The following FBXL20 variants were observed in gnomAD, a reference collection of about 807,000 sequenced individuals.
FBXL20 encodes the protein F-box and leucine rich repeat protein 20.
Under a neutral mutation model 64.0 loss-of-function variants are expected in FBXL20, and 11 were observed. The ratio of observed to expected loss-of-function variants is 0.17; its 90% CI spans 0.11 to 0.28. The LOEUF (loss-of-function observed/expected upper bound fraction) is 0.28, where lower values mean the gene tolerates loss of function less well. FBXL20 is among the 10% of genes least tolerant of loss of function. The pLI is 1.00. For missense variants in FBXL20, 303 were observed against 526.2 expected (o/e 0.58, Z 4.15); for synonymous variants, 184 against 189.0 (o/e 0.97, Z 0.22).
chr17:39,254,972 C>T lies in FBXL20; in HGVS notation c.*6488G>A, dbSNP rs2046681867. 6.6e-6 allele frequency: 1 copy of T among 152,510 alleles called. No individual in the cohort carries two copies. Among genetic ancestry groups the T allele is most frequent in the East Asian group, 1.9e-4 (1 of 5,324 alleles). 9.4% of individuals were successfully genotyped at this position (152,510 alleles called of 1,614,324 possible). ...ACAAGAGGCAGAGATGGAAGAAGCG[C>T]ATATGGACTTTCTCTTAACATCCCA... On this transcript the variant is annotated 3_prime_UTR_variant, in exon 15 of 15. Coordinates refer to ENST00000264658, the MANE Select transcript of FBXL20 (RefSeq NM_032875.3).
chr17:39,340,240 G>C (rs2047569334), intron 2 of FBXL20, among the ~76,000 whole-genome samples: 1 of 152,168 alleles, frequency 6.6e-6, no homozygotes, highest in Non-Finnish European at 1.5e-5. Flanking sequence ...GGGATTACAG[G>C]CATGTGCCAC....
At chr17:39,387,397 A>G (rs1240650610) in intron 1 of FBXL20, among the ~76,000 whole-genome samples, 1 of 149,918 alleles carries the variant, frequency 6.7e-6, no homozygotes, top group African/African-American at 2.5e-5. Flanking sequence ...CTCCTGCCTC[A>G]GCCTCCCGAG....
In FBXL20 at chr17:39,314,797, T is replaced by TTC. The variant is rs202233549; in HGVS notation, c.105-11159_105-11158insGA. 9.0e-3 allele frequency among the ~76,000 whole-genome samples: 1,040 copies of TTC among 115,110 alleles called. 17 individuals are homozygous for TTC. Among genetic ancestry groups the TTC allele is most frequent in the African/African-American group, 0.037 (997 of 26,886 alleles). The allele number at this position is 115,110 out of a possible 152,430, so 75.5% of individuals were successfully genotyped here. A position where few individuals can be genotyped will look rare whatever the true frequency, so the allele number is the denominator to read the frequency against. On this transcript the variant is annotated intron_variant, in intron 2 of 14. Transcript: ENST00000264658. ...TTTTAATTTCTCCATATCCTTTTCT[T>TTC]TTTTTTTTTTTTTTTTGAAATGGAG... is the stretch of plus-strand genomic sequence containing the variant.
intron 1 of FBXL20, among the ~76,000 whole-genome samples, chr17:39,348,791 C>T (rs779714987): frequency 2.0e-5 from 3 of 152,242 alleles, no homozygotes; most frequent in East Asian, 1.9e-4. Context: ...CCTTGACCTC[C>T]GGACTCAATG....
chr17:39,379,945 C>A (rs1185126413), intron 1 of FBXL20, among the ~76,000 whole-genome samples: 1 of 152,048 alleles, frequency 6.6e-6, no homozygotes, highest in Non-Finnish European at 1.5e-5. Flanking sequence ...CATCATGGCA[C>A]TCCAGCCTGA....
At chr17:39,378,323 G>C (rs1256071578) in intron 1 of FBXL20, among the ~76,000 whole-genome samples, 2 of 152,158 alleles carry the variant, frequency 1.3e-5, no homozygotes, top group African/African-American at 4.8e-5. Context: ...ATTAAAAAAT[G>C]GGCACAGAGG....
chr17:39,399,382 A>C (rs1300593293), intron 1 of FBXL20, among the ~76,000 whole-genome samples: 1 of 152,218 alleles, frequency 6.6e-6, no homozygotes, highest in African/African-American at 2.4e-5. Flanking sequence ...ATAAGCAATA[A>C]ATTTATTTAC....
intron 1 of FBXL20, among the ~76,000 whole-genome samples, chr17:39,391,453 G>GT (rs1177731290): frequency 6.6e-6 from 1 of 152,008 alleles, no homozygotes; most frequent in Non-Finnish European, 1.5e-5. Flanking sequence ...AGGAAACAGA[G>GT]TTGAGACAAT....
chr17:39,267,588 A>C (rs1567856300), intron 12 of FBXL20, among the ~76,000 whole-genome samples: 1 of 152,244 alleles, frequency 6.6e-6, no homozygotes, highest in Non-Finnish European at 1.5e-5. Flanking sequence ...TATTTTCCCA[A>C]GGGTGGCAGC....
At chr17:39,402,254 C>T (rs1008727813), upstream of FBXL20, 5 of 1,134,124 alleles carry the variant, frequency 4.4e-6, no homozygotes, top group South Asian at 4.8e-5. Flanking sequence ...TAGATTGGGG[C>T]AGTGCGGCTG....
rs1406464113 is a variant in FBXL20 at position 39,259,330 on chromosome 17, A to G, written c.*2130T>C. The G allele has an allele frequency of 1.3e-5, 2 of 152,044 alleles. No homozygotes were observed. The highest frequency in any genetic ancestry group is 4.8e-5 in the African/African-American group (2 of 41,412). 9.4% of individuals were successfully genotyped at this position (152,044 alleles called of 1,614,324 possible). ...ATAAAATAAAATAAAATAAATAAAT[A>G]AAACAAGCCTTTTAATAGTCTGGAT... On this transcript the variant is annotated 3_prime_UTR_variant, in exon 15 of 15. Transcript: ENST00000264658.
At chr17:39,374,766 A>C (rs1415539392) in intron 1 of FBXL20, among the ~76,000 whole-genome samples, 2 of 152,064 alleles carry the variant, frequency 1.3e-5, no homozygotes, top group African/African-American at 4.8e-5. Context: ...ATTTAAGCGG[A>C]CAGCTCAAGC....
intron 1 of FBXL20, among the ~76,000 whole-genome samples, chr17:39,392,615 G>C (rs1364239301): frequency 6.6e-6 from 1 of 151,932 alleles, no homozygotes; most frequent in Non-Finnish European, 1.5e-5. Flanking sequence ...TTTTCTTTTT[G>C]CCTGTCCTTC....
At chr17:39,336,667 T>G (rs2047524664) in intron 2 of FBXL20, among the ~76,000 whole-genome samples, 1 of 151,660 alleles carries the variant, frequency 6.6e-6, no homozygotes, top group Non-Finnish European at 1.5e-5. Context: ...CTACTAAAAA[T>G]ACAAAAATTA....
intron 6 of FBXL20, among the ~76,000 whole-genome samples, chr17:39,291,646 G>A (rs1252908445): frequency 6.6e-6 from 1 of 151,882 alleles, no homozygotes; most frequent in Non-Finnish European, 1.5e-5. Context: ...TGTTGGCCAG[G>A]CTGTTCTTGA....
At chr17:39,366,824 C>A (rs1205694013) in intron 1 of FBXL20, among the ~76,000 whole-genome samples, 1 of 151,074 alleles carries the variant, frequency 6.6e-6, no homozygotes, top group Admixed American at 6.6e-5. Flanking sequence ...TCTTTATCCT[C>A]AGTTTACCAA....
chr17:39,300,745 G>T (rs1372434859), intron 4 of FBXL20, among the ~76,000 whole-genome samples: 1 of 152,040 alleles, frequency 6.6e-6, no homozygotes, highest in Admixed American at 6.6e-5. Flanking sequence ...CAAACTTTTA[G>T]TCCTATTTCA....
At chr17:39,402,083 C>T, upstream of FBXL20, 1 of 1,128,308 alleles carries the variant, frequency 8.9e-7, no homozygotes, top group Non-Finnish European at 1.1e-6. Flanking sequence ...CCTCTGCCCG[C>T]GCCCGTCGCC....
At chr17:39,304,120 A>G (rs1400257971) in intron 2 of FBXL20, among the ~76,000 whole-genome samples, 1 of 152,136 alleles carries the variant, frequency 6.6e-6, no homozygotes, top group Admixed American at 6.6e-5. Flanking sequence ...CATATAAAAC[A>G]CAGTGGGAAA....
Sources: gnomAD v4.1 joint callset for allele counts (sites outside exome capture counted in the v4.1 genomes callset) on GRCh38, gnomAD v4.1.1 for gene constraint, MANE v1.5 for transcripts, NCBI Gene and HGNC (gene_info 2026-07-23, HGNC 2026-07-21) for gene names.